Variants in C12orf75 observed in about 807,000 individuals in gnomAD.
C12orf75 encodes the protein chromosome 12 open reading frame 75, also known as overexpressed in colon carcinoma 1 protein.
C12orf75 carries 4 observed loss-of-function variants against 11.4 expected under a neutral mutation model. The ratio of observed to expected loss-of-function variants is 0.35; its 90% CI spans 0.17 to 0.80. The LOEUF is 0.80. Among genes scored for constraint, C12orf75 ranks in the 30% least tolerant of loss-of-function variants. The pLI is 0.52. For missense variants in C12orf75, 89 were observed against 80.4 expected, an observed-to-expected ratio of 1.11 and a Z score of -0.41; for synonymous variants, 30 against 30.0, an observed-to-expected ratio of 1.00 and a Z score of 0.00.
At chr12:105,356,194 C>G (rs1166107985) in intron 2 of C12orf75, among the ~76,000 whole-genome samples, 1 of 152,142 alleles carries the variant, frequency 6.6e-6, no homozygotes, top group Non-Finnish European at 1.5e-5. Context: ...CAGGAACCAT[C>G]ATGAAAACAT....
At chr12:105,351,594 G>C (rs2136146260) in intron 2 of C12orf75, among the ~76,000 whole-genome samples, 1 of 152,288 alleles carries the variant, frequency 6.6e-6, no homozygotes, top group African/African-American at 2.4e-5. Flanking sequence ...CCAGTGTTCA[G>C]AATTTAATGC....
At chr12:105,365,732 T>C in intron 2 of C12orf75, 75 bp from the exon 3 acceptor site, 8 of 1,048,798 alleles carry the variant, frequency 7.6e-6, no homozygotes, top group Non-Finnish European at 1.2e-5. Context: ...CAGTAGTCCC[T>C]TTTTCTCATA....
At chr12:105,351,967 G>A (rs1420493380) in intron 2 of C12orf75, among the ~76,000 whole-genome samples, 1 of 152,124 alleles carries the variant, frequency 6.6e-6, no homozygotes, top group Non-Finnish European at 1.5e-5. Flanking sequence ...GATGAGGGAG[G>A]GTGCAGGCAC....
chr12:105,362,644 G>T (rs1307904065), intron 2 of C12orf75, among the ~76,000 whole-genome samples: 2 of 146,996 alleles, frequency 1.4e-5, no homozygotes, highest in East Asian at 4.0e-4. Flanking sequence ...TCCAGCCTGG[G>T]TGACAGAGCA....
intron 3 of C12orf75, 35 bp downstream of exon 3, chr12:105,365,877 T>C: frequency 6.9e-7 from 1 of 1,444,520 alleles, no homozygotes; most frequent in Non-Finnish European, 9.5e-7. Flanking sequence ...TTAGTTTGAA[T>C]GGTTTTGGCC....
At position 105,348,535 on chromosome 12, in the gene C12orf75, G is replaced by A. The variant is rs544825186; in HGVS notation, c.47-67G>A. 1.0e-5 allele frequency: 11 copies of A among 1,087,622 alleles called. No individual in the cohort carries two copies. The East Asian group carries it at 3.2e-4, about 32-fold the overall frequency. The allele number at this position is 1,087,622 out of a possible 1,614,324, so 67.4% of individuals were successfully genotyped here. A position where few individuals can be genotyped will look rare whatever the true frequency, so the allele number is the denominator to read the frequency against. ...AGGAATATTACTGTATTTTAATTAG[G>A]TATTAGACAACATTTTTGTAGCAAT... On this transcript the variant is annotated intron_variant, in intron 1 of 5. Coordinates refer to ENST00000443585, the MANE Select transcript of C12orf75 (RefSeq NM_001145199.2).
At chr12:105,331,371 C>G (rs1371582535) in intron 1 of C12orf75, among the ~76,000 whole-genome samples, 3 of 151,748 alleles carry the variant, frequency 2.0e-5, no homozygotes, top group Admixed American at 6.6e-5. Flanking sequence ...CAAGACAGGA[C>G]TTTTCGGGCA....
intron 3 of C12orf75, 155 bp from the exon 4 acceptor site, chr12:105,366,462 A>G (rs1456422458): frequency 7.3e-6 from 3 of 409,594 alleles, no homozygotes; most frequent in Non-Finnish European, 8.6e-6. Context: ...TAGGAAACCA[A>G]TTATATTCCC....
At chr12:105,333,189 C>T (rs1892458376) in intron 1 of C12orf75, among the ~76,000 whole-genome samples, 1 of 152,176 alleles carries the variant, frequency 6.6e-6, no homozygotes, top group African/African-American at 2.4e-5. Flanking sequence ...CATTTGCCTG[C>T]CTGTGAGTCC....
chr12:105,337,409 G>T (rs1168300399), intron 1 of C12orf75, among the ~76,000 whole-genome samples: 1 of 152,252 alleles, frequency 6.6e-6, no homozygotes, highest in Middle Eastern at 3.4e-3. Flanking sequence ...AGAGCAGAGA[G>T]AAATTTCTCA....
chr12:105,360,832 A>G (rs1042465648), intron 2 of C12orf75, among the ~76,000 whole-genome samples: 3 of 151,794 alleles, frequency 2.0e-5, no homozygotes, highest in Non-Finnish European at 4.4e-5. Context: ...CTGGAGTGCA[A>G]TGGCGCGATC....
intron 1 of C12orf75, among the ~76,000 whole-genome samples, chr12:105,347,504 C>T (rs11112484): frequency 0.17 from 25,632 of 152,114 alleles, 2,615 homozygotes; most frequent in Non-Finnish European, 0.23. Flanking sequence ...ACATGGAGTC[C>T]GATATTCGAG....
Position 105,330,735 on chromosome 12 carries a change from T to A in C12orf75, c.-157T>A. The A allele has an allele frequency of 1.1e-5, 7 of 661,404 alleles. No individual in the cohort carries two copies. The highest frequency in any genetic ancestry group is 1.4e-5 in the Non-Finnish European group (7 of 489,602). The allele number at this position is 661,404 out of a possible 1,614,324, so 41.0% of individuals were successfully genotyped here. A position where few individuals can be genotyped will look rare whatever the true frequency, so the allele number is the denominator to read the frequency against. On this transcript the variant is annotated 5_prime_UTR_variant, in exon 1 of 6. Coordinates refer to ENST00000443585, the MANE Select transcript of C12orf75 (RefSeq NM_001145199.2). ...GCAGCCCGCTGCGCCCCGGGCCGCGTCTCCCGGCGGTGGGAGGGGGCGGCC... is the reference window on the plus strand; with the variant it reads ...GCAGCCCGCTGCGCCCCGGGCCGCGACTCCCGGCGGTGGGAGGGGGCGGCC...
chr12:105,358,221 T>G (rs961092001), intron 2 of C12orf75, among the ~76,000 whole-genome samples: 1 of 152,098 alleles, frequency 6.6e-6, no homozygotes, highest in Non-Finnish European at 1.5e-5. Flanking sequence ...TCCTGTGGTT[T>G]AAAAGGTTTT....
intron 5 of C12orf75, among the ~76,000 whole-genome samples, chr12:105,369,179 T>G (rs1251297894): frequency 6.6e-6 from 1 of 152,230 alleles, no homozygotes; most frequent in Non-Finnish European, 1.5e-5. Context: ...TTCCCTCAGC[T>G]TGTCTCAACC....
intron 2 of C12orf75, among the ~76,000 whole-genome samples, chr12:105,359,245 G>A (rs576896597): frequency 6.6e-6 from 1 of 152,234 alleles, no homozygotes; most frequent in African/African-American, 2.4e-5. Context: ...ATTTTTAGGT[G>A]ATTTGGTTTA....
intron 2 of C12orf75, among the ~76,000 whole-genome samples, chr12:105,353,885 T>A (rs943585622): frequency 6.6e-6 from 1 of 152,238 alleles, no homozygotes; most frequent in African/African-American, 2.4e-5. Context: ...ATTTTATTAT[T>A]ATGGAAGGTA....
At chr12:105,366,312 C>T (rs1293316247) in intron 3 of C12orf75, 3 of 287,222 alleles carry the variant, frequency 1.0e-5, no homozygotes, top group East Asian at 1.3e-4. Context: ...TGTAACATGT[C>T]ACTGTATGAT....
intron 1 of C12orf75, among the ~76,000 whole-genome samples, chr12:105,336,478 G>T (rs1407747616): frequency 6.6e-6 from 1 of 152,222 alleles, no homozygotes; most frequent in Non-Finnish European, 1.5e-5. Context: ...CTCGTATATT[G>T]TAAGTACCCA....
Sources: allele counts gnomAD v4.1 joint callset (sites outside exome capture counted in the v4.1 genomes callset), GRCh38; gene constraint gnomAD v4.1.1; transcripts MANE v1.5; gene names NCBI Gene and HGNC (gene_info 2026-07-23, HGNC 2026-07-21).